RAD51B: variants seen among roughly 807,000 people sequenced by gnomAD.
RAD51B encodes DNA repair protein RAD51 homolog 2.
RAD51B carries 38 observed loss-of-function variants against 42.2 expected under a neutral mutation model. The observed-to-expected ratio is 0.90, with a 90% CI of 0.70 to 1.18. RAD51B has a LOEUF of 1.18. Among genes scored for constraint, RAD51B ranks in the 50% most tolerant of loss-of-function variants. RAD51B has a pLI of 0.00. For synonymous variants in RAD51B, 154 were observed against 145.2 expected (o/e 1.06, Z -0.43); for missense variants, 373 against 400.7 (o/e 0.93, Z 0.59).
At chr14:68,339,053 G>A (rs994925508) in intron 8 of RAD51B, 14 of 671,124 alleles carry the variant, frequency 2.1e-5, no homozygotes, top group Non-Finnish European at 3.0e-5. Flanking sequence ...GATCGACATC[G>A]TGTGCAGTCA....
chr14:68,430,175 G>A (rs1294802099), intron 9 of RAD51B, among the ~76,000 whole-genome samples: 3 of 152,152 alleles, frequency 2.0e-5, no homozygotes, highest in African/African-American at 7.2e-5. Context: ...TTGAAGTCAG[G>A]TAGGGTGATG....
chr14:68,487,290 G>A (rs1184563622), intron 10 of RAD51B, among the ~76,000 whole-genome samples: 1 of 152,148 alleles, frequency 6.6e-6, no homozygotes, highest in Non-Finnish European at 1.5e-5. Flanking sequence ...TGTTCTGTGT[G>A]TGTGAGCTCT....
chr14:68,043,274 G>A (rs2076243870), intron 7 of RAD51B, among the ~76,000 whole-genome samples: 1 of 152,172 alleles, frequency 6.6e-6, no homozygotes, highest in South Asian at 2.1e-4. Flanking sequence ...TTTGGGGTTG[G>A]CAAAACATCC....
intron 7 of RAD51B, among the ~76,000 whole-genome samples, chr14:68,062,876 C>G (rs1185100197): frequency 6.8e-6 from 1 of 146,472 alleles, no homozygotes. Flanking sequence ...TGGTCCTGGG[C>G]TTTTCTTTGT....
chr14:68,468,692 A>AG (rs1286440820), intron 10 of RAD51B: 1 of 314,586 alleles, frequency 3.2e-6, no homozygotes, highest in Admixed American at 4.2e-5. Flanking sequence ...TCATGGCTCC[A>AG]TGAGCCCTAC....
At chr14:68,020,773 A>G (rs568071484) in intron 7 of RAD51B, among the ~76,000 whole-genome samples, 5 of 152,346 alleles carry the variant, frequency 3.3e-5, no homozygotes, top group Non-Finnish European at 5.9e-5. Context: ...CTTTACTGCA[A>G]TTTAAAAAAC....
intron 10 of RAD51B, among the ~76,000 whole-genome samples, chr14:68,629,649 C>T (rs1043081048): frequency 1.3e-5 from 2 of 152,158 alleles, no homozygotes; most frequent in Non-Finnish European, 2.9e-5. Context: ...ATAGCTTTAT[C>T]GTTTTGTGAT....
intron 4 of RAD51B, chr14:67,843,409 G>A (rs2041502374): frequency 6.6e-6 from 1 of 151,408 alleles, no homozygotes; most frequent in Non-Finnish European, 1.5e-5. Context: ...CAGTTTTTTG[G>A]AACATTGTCA....
At chr14:68,179,191 T>C (rs949448089) in intron 7 of RAD51B, among the ~76,000 whole-genome samples, 5 of 152,158 alleles carry the variant, frequency 3.3e-5, no homozygotes, top group South Asian at 4.1e-4. Context: ...TGTTTATTGG[T>C]GAGTGGTTTC....
At chr14:68,230,768 AG>A (rs1226717917) in intron 7 of RAD51B, among the ~76,000 whole-genome samples, 1 of 152,226 alleles carries the variant, frequency 6.6e-6, no homozygotes, top group Non-Finnish European at 1.5e-5. Context: ...CTGTGATTTT[AG>A]TGTTCTTTTG....
chr14:68,474,874 A>G (rs1017322570), intron 10 of RAD51B, among the ~76,000 whole-genome samples: 7 of 152,384 alleles, frequency 4.6e-5, no homozygotes, highest in Admixed American at 3.3e-4. Context: ...AGTGGTATAC[A>G]TGATAGAGAT....
chr14:67,997,824 AT>A (rs1300760028), intron 7 of RAD51B, among the ~76,000 whole-genome samples: 1 of 151,922 alleles, frequency 6.6e-6, no homozygotes, highest in Non-Finnish European at 1.5e-5. Context: ...CTCAGTGTGG[AT>A]ATTATTGTGT....
chr14:67,926,255 A>G (rs1382738752), intron 7 of RAD51B, among the ~76,000 whole-genome samples: 1 of 152,180 alleles, frequency 6.6e-6, no homozygotes, highest in East Asian at 1.9e-4. Context: ...ACAGCACCCA[A>G]GTCACCTCTT....
chr14:68,445,449 A>G (rs1012731124), intron 9 of RAD51B, among the ~76,000 whole-genome samples: 8 of 152,262 alleles, frequency 5.3e-5, no homozygotes, highest in Admixed American at 4.6e-4. Flanking sequence ...AGTGCTGTGC[A>G]TGTATTAATA....
intron 7 of RAD51B, among the ~76,000 whole-genome samples, chr14:68,211,148 G>A (rs1478003110): frequency 6.6e-6 from 1 of 152,168 alleles, no homozygotes; most frequent in African/African-American, 2.4e-5. Context: ...GCCACATGGT[G>A]CATTTCCTAG....
intron 10 of RAD51B, among the ~76,000 whole-genome samples, chr14:68,520,104 A>AAAGC (rs1886466385): frequency 6.6e-6 from 1 of 151,708 alleles, no homozygotes; most frequent in African/African-American, 2.4e-5. Context: ...CAGCCAAAAC[A>AAAGC]AAACAAACAA....
chr14:68,024,125 G>T (rs2075913354), intron 7 of RAD51B, among the ~76,000 whole-genome samples: 1 of 151,978 alleles, frequency 6.6e-6, no homozygotes, highest in East Asian at 1.9e-4. Flanking sequence ...ATTGCTTGTT[G>T]TCAGTCTTGT....
chr14:68,432,288 T>C (rs1009809560), intron 9 of RAD51B, among the ~76,000 whole-genome samples: 2 of 152,208 alleles, frequency 1.3e-5, no homozygotes, highest in South Asian at 4.1e-4. Flanking sequence ...AGAGCTGAGT[T>C]CAATTCCTGG....
chr14:68,605,031 C>T (rs576145220), intron 10 of RAD51B, among the ~76,000 whole-genome samples: 4 of 152,290 alleles, frequency 2.6e-5, no homozygotes, highest in Non-Finnish European at 4.4e-5. Context: ...GTGGCCCAGG[C>T]GGTGCTGCAG....
Sources: gnomAD v4.1 joint callset for allele counts (sites outside exome capture counted in the v4.1 genomes callset) on GRCh38, gnomAD v4.1.1 for gene constraint, MANE v1.5 for transcripts, NCBI Gene and HGNC (gene_info 2026-07-23, HGNC 2026-07-21) for gene names.